The following GSE1 variants were observed in gnomAD, a reference collection of about 807,000 sequenced individuals.
GSE1 encodes Gse1 coiled-coil protein, also known as genetic suppressor element 1.
Under a neutral mutation model 112.6 loss-of-function variants are expected in GSE1, and 32 were observed. That is an observed-to-expected ratio of 0.28 (90% CI 0.21 to 0.38). The LOEUF (loss-of-function observed/expected upper bound fraction) is 0.38, where lower values mean the gene tolerates loss of function less well. Among genes scored for constraint, GSE1 ranks in the 10% least tolerant of loss-of-function variants. The pLI is 1.00. For missense variants in GSE1, 2,348 were observed against 1,699.2 expected, an observed-to-expected ratio of 1.38 and a Z score of -6.71; for synonymous variants, 1,115 against 735.6, an observed-to-expected ratio of 1.52 and a Z score of -8.35.
chr16:85,305,120 GCA>G (rs2045641451), intron 1 of GSE1, among the ~76,000 whole-genome samples: 2 of 152,308 alleles, frequency 1.3e-5, no homozygotes, highest in East Asian at 3.9e-4. Context: ...TCTGCCCTAG[GCA>G]AGCAGCTCCC....
chr16:85,256,033 C>T (rs1394702990), intron 1 of GSE1, among the ~76,000 whole-genome samples: 1 of 152,240 alleles, frequency 6.6e-6, no homozygotes, highest in African/African-American at 2.4e-5. Context: ...AGTCCCTTAA[C>T]CTCCGTGTGC....
At chr16:85,476,925 CTT>C (rs55732128) in intron 2 of GSE1, among the ~76,000 whole-genome samples, 15 of 117,742 alleles carry the variant, frequency 1.3e-4, no homozygotes, top group Admixed American at 1.8e-4. Context: ...GTATGTGGTT[CTT>C]TTTTTTTTTT....
At chr16:85,274,862 T>C (rs1003651011) in intron 1 of GSE1, among the ~76,000 whole-genome samples, 14 of 152,346 alleles carry the variant, frequency 9.2e-5, no homozygotes, top group Admixed American at 9.1e-4. Context: ...GAAAGCTCAG[T>C]CCTGGACCCT....
chr16:85,565,984 T>C (rs1400521181), intron 1 of GSE1, among the ~76,000 whole-genome samples: 1 of 152,206 alleles, frequency 6.6e-6, no homozygotes, highest in African/African-American at 2.4e-5. Context: ...CCTTACTGGC[T>C]GTGTGACTCT....
intron 1 of GSE1, among the ~76,000 whole-genome samples, chr16:85,319,037 T>C (rs1480802550): frequency 6.6e-6 from 1 of 152,140 alleles, no homozygotes; most frequent in Admixed American, 6.5e-5. Context: ...GCATCATCTG[T>C]ATCTTGGAAG....
intron 2 of GSE1, among the ~76,000 whole-genome samples, chr16:85,456,506 G>A (rs1357688618): frequency 6.6e-6 from 1 of 152,044 alleles, no homozygotes; most frequent in Non-Finnish European, 1.5e-5. Context: ...CCGGGGTGGT[G>A]TGGTAGGGAC....
intron 2 of GSE1, among the ~76,000 whole-genome samples, chr16:85,459,761 A>G (rs976831912): frequency 6.6e-6 from 1 of 152,160 alleles, no homozygotes; most frequent in Non-Finnish European, 1.5e-5. Flanking sequence ...AGTCACTGTT[A>G]AGACTTGTTT....
chr16:85,524,002 C>T (rs928361903), intron 2 of GSE1, among the ~76,000 whole-genome samples: 1 of 152,120 alleles, frequency 6.6e-6, no homozygotes, highest in Non-Finnish European at 1.5e-5. Flanking sequence ...ATGCTGTTTC[C>T]GAGACCCCTG....
chr16:85,615,458 G>A (rs975398724), intron 1 of GSE1, among the ~76,000 whole-genome samples: 5 of 152,172 alleles, frequency 3.3e-5, no homozygotes, highest in African/African-American at 4.8e-5. Flanking sequence ...AGACACCAAA[G>A]TCAGGAGGGG....
chr16:85,669,478 A>T, intron 14 of GSE1, among the ~76,000 whole-genome samples: 1 of 152,220 alleles, frequency 6.6e-6, no homozygotes, highest in East Asian at 1.9e-4. Flanking sequence ...AGCCACAACC[A>T]GGACATCAAA....
chr16:85,596,250 A>AG (rs1308146637), intron 1 of GSE1, among the ~76,000 whole-genome samples: 1 of 152,054 alleles, frequency 6.6e-6, no homozygotes, highest in Admixed American at 6.5e-5. Context: ...ACGTGAGGGG[A>AG]GGGGGCCTGG....
At chr16:85,192,968 G>A (rs557113921) in intron 1 of GSE1, among the ~76,000 whole-genome samples, 2 of 152,338 alleles carry the variant, frequency 1.3e-5, no homozygotes, top group East Asian at 1.9e-4. Context: ...GCGTCTGGCC[G>A]ACTAGGGCAG....
chr16:85,226,415 A>C (rs1304346345), intron 1 of GSE1, among the ~76,000 whole-genome samples: 2 of 152,196 alleles, frequency 1.3e-5, no homozygotes, highest in Non-Finnish European at 2.9e-5. Flanking sequence ...TATTAAGTAA[A>C]GTGATGGTGA....
At position 85,675,175 on chromosome 16, in the gene GSE1, A is replaced by C. The variant is rs910518547; in HGVS notation, c.*2636A>C. 3 of 152,170 alleles carry C rather than the reference A, an allele frequency of 2.0e-5. No homozygotes were observed. The highest frequency in any genetic ancestry group is 2.9e-5 in the Non-Finnish European group (2 of 68,022). 9.4% of individuals were successfully genotyped at this position (152,170 alleles called of 1,614,324 possible). On this transcript the variant is annotated 3_prime_UTR_variant, in exon 16 of 16. Transcript: ENST00000253458. ...AATCTCTTAAGTTTTTTGTTCAGCTACTTCACACTGAGTACCTCAAATCTG... is the reference window on the plus strand; with the variant it reads ...AATCTCTTAAGTTTTTTGTTCAGCTCCTTCACACTGAGTACCTCAAATCTG...
At chr16:85,306,191 G>A (rs2045673378) in intron 1 of GSE1, 1 of 154,198 alleles carries the variant, frequency 6.5e-6, no homozygotes, top group South Asian at 2.0e-4. Context: ...CTCCAAGAAT[G>A]TATTGGTCTC....
chr16:85,441,803 C>G (rs2049382272), intron 2 of GSE1, among the ~76,000 whole-genome samples: 1 of 152,190 alleles, frequency 6.6e-6, no homozygotes. Context: ...GGCCTCCCTG[C>G]CTCCCCTCTA....
chr16:85,231,164 GGACA>G, intron 1 of GSE1, among the ~76,000 whole-genome samples: 1 of 147,478 alleles, frequency 6.8e-6, no homozygotes, highest in East Asian at 2.0e-4. Context: ...ATGGATAGAA[GGACA>G]GATGGATGGA....
chr16:85,169,557 G>A (rs1209553065), exon 1 of GSE1: 2 of 976,604 alleles, frequency 2.0e-6, no homozygotes, highest in East Asian at 1.2e-4. Flanking sequence ...TCTCCCGCAA[G>A]CAGCGGCTCA....
chr16:85,566,599 G>C (rs1329959974), intron 1 of GSE1, among the ~76,000 whole-genome samples: 1 of 152,210 alleles, frequency 6.6e-6, no homozygotes, highest in Non-Finnish European at 1.5e-5. Flanking sequence ...CCCTTAGTGA[G>C]TGACAGGCCC....
Sources: allele counts gnomAD v4.1 joint callset (sites outside exome capture counted in the v4.1 genomes callset), GRCh38; gene constraint gnomAD v4.1.1; transcripts MANE v1.5; gene names NCBI Gene and HGNC (gene_info 2026-07-23, HGNC 2026-07-21).